Variants in TENM2 observed in about 807,000 individuals in gnomAD.
The protein encoded by TENM2 is teneurin-2.
A neutral mutation model predicts 245.2 loss-of-function variants in TENM2; 52 were observed. The observed-to-expected ratio is 0.21, with a 90% CI of 0.17 to 0.27. The LOEUF (loss-of-function observed/expected upper bound fraction) is 0.27, where lower values mean the gene tolerates loss of function less well. TENM2 is among the 10% of genes least tolerant of loss of function. The pLI is 1.00. For missense variants in TENM2, 3,046 were observed against 3,666.8 expected, an observed-to-expected ratio of 0.83 and a Z score of 4.37; for synonymous variants, 1,363 against 1,438.9, an observed-to-expected ratio of 0.95 and a Z score of 1.19.
chr5:167,368,424 A>AT (rs1262835958), intron 1 of TENM2, among the ~76,000 whole-genome samples: 5 of 151,760 alleles, frequency 3.3e-5, no homozygotes, highest in Non-Finnish European at 7.4e-5. Flanking sequence ...ATAGAGGGTC[A>AT]TTTTTTTTCC....
chr5:168,124,973 G>A, exon 11 of TENM2: 1 of 1,611,836 alleles, frequency 6.2e-7, no homozygotes, highest in South Asian at 1.1e-5. Context: ...GACCAGTGCA[G>A]TGGGCATGGC....
intron 2 of TENM2, among the ~76,000 whole-genome samples, chr5:167,786,610 C>T (rs952760028): frequency 6.6e-6 from 1 of 152,182 alleles, no homozygotes; most frequent in African/African-American, 2.4e-5. Context: ...ATAAACTGAC[C>T]AGGCTGTGGA....
At chr5:166,992,834 T>C in the TENM2 span, among the ~76,000 whole-genome samples, 1 of 152,218 alleles carries the variant, frequency 6.6e-6, no homozygotes, top group African/African-American at 2.4e-5. Context: ...CCAGATGTGC[T>C]GCTGCTGGAA....
intron 6 of TENM2, among the ~76,000 whole-genome samples, chr5:168,052,301 G>A (rs1789167111): frequency 6.6e-6 from 1 of 151,798 alleles, no homozygotes; most frequent in Non-Finnish European, 1.5e-5. Flanking sequence ...TGAGGCAGGA[G>A]AATGGCGTGA....
chr5:167,455,544 T>A (rs998948014), intron 2 of TENM2, among the ~76,000 whole-genome samples: 1 of 151,954 alleles, frequency 6.6e-6, no homozygotes, highest in African/African-American at 2.4e-5. Context: ...TTCCAAGTGA[T>A]GTCTCTGCCA....
intron 3 of TENM2, among the ~76,000 whole-genome samples, chr5:167,923,059 C>T (rs1350638690): frequency 6.6e-6 from 1 of 152,222 alleles, no homozygotes; most frequent in African/African-American, 2.4e-5. Context: ...TGCAGTGGCT[C>T]ATGTCTGTAA....
exon 29 of TENM2, chr5:168,262,124 A>G (rs751532799): frequency 1.3e-5 from 21 of 1,613,908 alleles, no homozygotes; most frequent in Non-Finnish European, 1.8e-5. Context: ...GGTCATTACT[A>G]AAAAGCTCCA....
At chr5:167,111,291 T>C in the TENM2 span, among the ~76,000 whole-genome samples, 1 of 152,214 alleles carries the variant, frequency 6.6e-6, no homozygotes, top group African/African-American at 2.4e-5. Context: ...AGCAAGGTCT[T>C]ACTGATGCCA....
At position 167,375,597 on chromosome 5, in the gene TENM2, T is replaced by C. The variant is rs938559746; in HGVS notation, c.502+124T>C. The C allele has an allele frequency of 7.6e-6, 8 of 1,045,756 alleles. No homozygotes were observed. The African/African-American group carries it at 1.3e-4, about 17-fold the overall frequency. The allele number at this position is 1,045,756 out of a possible 1,614,324, so 64.8% of individuals were successfully genotyped here. A position where few individuals can be genotyped will look rare whatever the true frequency, so the allele number is the denominator to read the frequency against. On this transcript the variant is annotated intron_variant, in intron 2 of 28. Coordinates refer to ENST00000518659, the Ensembl canonical transcript of TENM2. ...TTCATTTTCTTTGAAATCGACCTTG[T>C]CTACCCAGTGTGAGCTGGGGGGAAG...
chr5:167,849,616 G>C (rs1351698204), intron 2 of TENM2, among the ~76,000 whole-genome samples: 1 of 152,112 alleles, frequency 6.6e-6, no homozygotes, highest in Non-Finnish European at 1.5e-5. Context: ...TCCCACTTCA[G>C]ATGTTAATCA....
In TENM2 at chr5:167,860,914, G is replaced by C. The variant is rs557656707; in HGVS notation, c.503-15072G>C. Among the ~76,000 whole-genome samples, 3 of 119,330 alleles carry C rather than the reference G, an allele frequency of 2.5e-5. 1 individual carries two copies. In the South Asian group the frequency reaches 1.0e-3, roughly 40 times the overall value. 78.3% of individuals were successfully genotyped at this position (119,330 alleles called of 152,430 possible). ...AGGGACACAAACACTGCGGAAGGCC[G>C]CAGGGTCCTCTGCCTAGGAAAACCA... On this transcript the variant is annotated intron_variant, in intron 2 of 28. Transcript: ENST00000518659.
chr5:167,855,746 G>T (rs532799976), intron 2 of TENM2, among the ~76,000 whole-genome samples: 1 of 130,140 alleles, frequency 7.7e-6, no homozygotes, highest in East Asian at 2.6e-4. Context: ...AGGGAAGAAG[G>T]AAAGAAGGAA....
intron 2 of TENM2, among the ~76,000 whole-genome samples, chr5:167,400,233 C>T (rs1242320057): frequency 6.6e-6 from 1 of 151,930 alleles, no homozygotes; most frequent in East Asian, 1.9e-4. Flanking sequence ...TGATAATGGT[C>T]CCATTTGGGC....
intron 25 of TENM2, among the ~76,000 whole-genome samples, chr5:168,234,628 C>G (rs763272377): frequency 8.5e-5 from 13 of 152,178 alleles, no homozygotes; most frequent in Non-Finnish European, 1.6e-4. Flanking sequence ...CCCCAACAAG[C>G]CTTTTTTCTA....
chr5:167,627,777 G>A (rs1582586362), intron 2 of TENM2, among the ~76,000 whole-genome samples: 2 of 151,996 alleles, frequency 1.3e-5, no homozygotes, highest in Admixed American at 6.5e-5. Flanking sequence ...GGCTGGGCTC[G>A]AACTCCTGGC....
At chr5:167,299,933 C>A (rs1054563710) in intron 1 of TENM2, among the ~76,000 whole-genome samples, 1 of 151,996 alleles carries the variant, frequency 6.6e-6, no homozygotes, top group Non-Finnish European at 1.5e-5. Flanking sequence ...TTGGAAGTTA[C>A]GAGAAATGTA....
At chr5:167,106,713 T>A in the TENM2 span, among the ~76,000 whole-genome samples, 3 of 148,666 alleles carry the variant, frequency 2.0e-5, no homozygotes, top group Non-Finnish European at 4.4e-5. Context: ...ATTCTGCAGG[T>A]GATGGCAGTG....
chr5:167,663,637 G>A (rs977670576), intron 2 of TENM2, among the ~76,000 whole-genome samples: 2 of 151,634 alleles, frequency 1.3e-5, no homozygotes, highest in African/African-American at 4.8e-5. Context: ...TACATTCTTT[G>A]CTATCTAGAA....
chr5:167,323,722 C>CA (rs1756914004), intron 1 of TENM2, among the ~76,000 whole-genome samples: 1 of 152,152 alleles, frequency 6.6e-6, no homozygotes, highest in Non-Finnish European at 1.5e-5. Flanking sequence ...ATAAGTAGAA[C>CA]TCCTGGAGAA....
Sources: allele counts gnomAD v4.1 joint callset (sites outside exome capture counted in the v4.1 genomes callset), GRCh38; gene constraint gnomAD v4.1.1; transcripts MANE v1.5; gene names NCBI Gene and HGNC (gene_info 2026-07-23, HGNC 2026-07-21).